The following GRIN2A variants were observed in gnomAD, a reference collection of about 807,000 sequenced individuals.
The protein encoded by GRIN2A is glutamate ionotropic receptor NMDA type subunit 2A.
Under a neutral mutation model 113.4 loss-of-function variants are expected in GRIN2A, and 22 were observed. That is an observed-to-expected ratio of 0.19 (90% CI 0.14 to 0.28). GRIN2A has a LOEUF of 0.28. GRIN2A is among the 10% of genes least tolerant of loss of function. The pLI is 1.00. For synonymous variants in GRIN2A, 827 were observed against 738.4 expected, an observed-to-expected ratio of 1.12 and a Z score of -1.94; for missense variants, 1,502 against 1,887.0, an observed-to-expected ratio of 0.80 and a Z score of 3.78.
chr16:10,054,270 A>G (rs2047408094), intron 2 of GRIN2A, among the ~76,000 whole-genome samples: 1 of 152,218 alleles, frequency 6.6e-6, no homozygotes, highest in Admixed American at 6.5e-5. Flanking sequence ...CAAAGAAAAG[A>G]AAACCCAAAT....
At chr16:10,044,642 G>A (rs1209705708) in intron 2 of GRIN2A, among the ~76,000 whole-genome samples, 1 of 149,388 alleles carries the variant, frequency 6.7e-6, no homozygotes, top group African/African-American at 2.5e-5. Context: ...AAGCACCAAT[G>A]TCTGGTTCAT....
At chr16:9,771,639 A>G (rs1376442331) in intron 11 of GRIN2A, among the ~76,000 whole-genome samples, 1 of 133,248 alleles carries the variant, frequency 7.5e-6, no homozygotes, top group African/African-American at 2.9e-5. Context: ...CTTCCTTGTG[A>G]CGTCTGTAAC....
intron 2 of GRIN2A, among the ~76,000 whole-genome samples, chr16:10,095,454 T>C: frequency 6.6e-6 from 1 of 152,228 alleles, no homozygotes; most frequent in East Asian, 1.9e-4. Flanking sequence ...CATGCTAATA[T>C]AAAGTATAAA....
chr16:9,775,729 T>G (rs1480114929), intron 11 of GRIN2A, among the ~76,000 whole-genome samples: 1 of 152,234 alleles, frequency 6.6e-6, no homozygotes, highest in Non-Finnish European at 1.5e-5. Flanking sequence ...GGCCGTCAGA[T>G]GTACATCTGT....
intron 2 of GRIN2A, among the ~76,000 whole-genome samples, chr16:10,081,113 T>C (rs1327568012): frequency 1.3e-5 from 2 of 152,178 alleles, no homozygotes; most frequent in Non-Finnish European, 2.9e-5. Flanking sequence ...GTCGTTAATA[T>C]AAATATCTAC....
intron 2 of GRIN2A, among the ~76,000 whole-genome samples, chr16:10,077,471 C>T (rs988059147): frequency 4.6e-5 from 7 of 152,180 alleles, no homozygotes; most frequent in African/African-American, 1.7e-4. Context: ...CTCACCACTG[C>T]CACTACAAGT....
At chr16:9,907,479 A>C (rs2044049248) in intron 3 of GRIN2A, among the ~76,000 whole-genome samples, 1 of 152,138 alleles carries the variant, frequency 6.6e-6, no homozygotes, top group African/African-American at 2.4e-5. Context: ...TGTGGCTGTA[A>C]GTAGACATGT....
intron 2 of GRIN2A, among the ~76,000 whole-genome samples, chr16:10,054,356 T>G (rs1350953518): frequency 2.0e-5 from 3 of 152,212 alleles, no homozygotes; most frequent in Non-Finnish European, 1.5e-5. Flanking sequence ...AGATTCCGTT[T>G]TACATCTATC....
At chr16:10,032,346 A>G (rs2046945394) in intron 2 of GRIN2A, among the ~76,000 whole-genome samples, 2 of 152,246 alleles carry the variant, frequency 1.3e-5, no homozygotes, top group Admixed American at 6.5e-5. Flanking sequence ...CACTGTACAA[A>G]TTAAGTGATT....
rs1037037880 is a variant in GRIN2A, at chr16:9,761,861, C to A, written c.*1288G>T. 2 of 205,404 alleles carry A rather than the reference C, an allele frequency of 9.7e-6. No individual in the cohort carries two copies. The highest frequency in any genetic ancestry group is 4.6e-5 in the African/African-American group (2 of 43,730). The allele number at this position is 205,404 out of a possible 1,614,324, so 12.7% of individuals were successfully genotyped here. A position where few individuals can be genotyped will look rare whatever the true frequency, so the allele number is the denominator to read the frequency against. Reference sequence around the variant, plus strand: ...TTGGTGCTATGAAGTGGTTTGCCACCAACAGAGAGAATAACTCAGAAGGGA... The same window carrying A: ...TTGGTGCTATGAAGTGGTTTGCCACAAACAGAGAGAATAACTCAGAAGGGA... On this transcript the variant is annotated 3_prime_UTR_variant, in exon 13 of 13. Coordinates refer to ENST00000330684, the MANE Select transcript of GRIN2A (RefSeq NM_001134407.3).
intron 2 of GRIN2A, among the ~76,000 whole-genome samples, chr16:10,000,320 G>A (rs1437310051): frequency 6.6e-6 from 1 of 152,044 alleles, no homozygotes; most frequent in Admixed American, 6.6e-5. Context: ...AACCACTGCG[G>A]CTATTTCTAC....
At chr16:10,111,085 G>C (rs990433452) in intron 2 of GRIN2A, among the ~76,000 whole-genome samples, 1 of 152,218 alleles carries the variant, frequency 6.6e-6, no homozygotes, top group African/African-American at 2.4e-5. Flanking sequence ...TGATTGAAAT[G>C]AGACAGTTTG....
chr16:10,139,255 G>T (rs1019716594), intron 2 of GRIN2A, among the ~76,000 whole-genome samples: 4 of 152,162 alleles, frequency 2.6e-5, no homozygotes, highest in African/African-American at 7.2e-5. Flanking sequence ...TTTGCACCTC[G>T]TGTCTCAGTG....
rs1036772693 is a variant in GRIN2A at position 9,999,705 on chromosome 16, A to T, written c.415-61154T>A. ...GCATACCTCTTTAACAAAACTGCAC[A>T]TTCTGCACATGTACCCCAGAACTGA... is the stretch of plus-strand genomic sequence containing the variant. On this transcript the variant is annotated intron_variant, in intron 2 of 12. Coordinates refer to ENST00000330684, the MANE Select transcript of GRIN2A (RefSeq NM_001134407.3). Among the ~76,000 whole-genome samples, 3 of 152,252 alleles carry T rather than the reference A, an allele frequency of 2.0e-5. No individual in the cohort carries two copies. The East Asian group carries it at 5.8e-4, about 29-fold the overall frequency.
chr16:9,765,652 G>A (rs950706556), intron 12 of GRIN2A, among the ~76,000 whole-genome samples: 1 of 152,066 alleles, frequency 6.6e-6, no homozygotes, highest in Non-Finnish European at 1.5e-5. Flanking sequence ...GCAGTGAAAA[G>A]TAGAGCCCAA....
In GRIN2A at chr16:9,929,788, C is replaced by A. The variant is rs935651537; in HGVS notation, c.1007+8171G>T. Among the ~76,000 whole-genome samples, 3 of 152,254 alleles carry A rather than the reference C, an allele frequency of 2.0e-5. No individual in the cohort carries two copies. The East Asian group carries it at 5.8e-4, about 29-fold the overall frequency. ...TCCCTGGAGGAAATAGATCAATGTG[C>A]CTTTTTGTTCGGCATTCTGGTTCCA... On this transcript the variant is annotated intron_variant, in intron 3 of 12. Transcript: ENST00000330684.
chr16:9,897,719 G>A (rs1399382934), intron 3 of GRIN2A, among the ~76,000 whole-genome samples: 1 of 151,950 alleles, frequency 6.6e-6, no homozygotes, highest in Non-Finnish European at 1.5e-5. Context: ...TTTTTAATGG[G>A]CTACCAGAAA....
At chr16:10,134,560 G>C (rs2049152027) in intron 2 of GRIN2A, among the ~76,000 whole-genome samples, 1 of 151,962 alleles carries the variant, frequency 6.6e-6, no homozygotes, top group South Asian at 2.1e-4. Flanking sequence ...AAACCAACAG[G>C]GGACATGTAT....
At chr16:10,036,790 C>T (rs2047043286) in intron 2 of GRIN2A, among the ~76,000 whole-genome samples, 1 of 151,956 alleles carries the variant, frequency 6.6e-6, no homozygotes, top group Non-Finnish European at 1.5e-5. Context: ...TACCATCTCT[C>T]CTCTCTGCAT....
Sources: allele counts gnomAD v4.1 joint callset (sites outside exome capture counted in the v4.1 genomes callset), GRCh38; gene constraint gnomAD v4.1.1; transcripts MANE v1.5; gene names NCBI Gene and HGNC (gene_info 2026-07-23, HGNC 2026-07-21).